Variants in PLAC8 observed in about 807,000 individuals in gnomAD.
The protein encoded by PLAC8 is placenta-specific gene 8 protein.
PLAC8 carries 6 observed loss-of-function variants against 12.6 expected under a neutral mutation model. The observed-to-expected ratio is 0.48, with a 90% confidence interval of 0.26 to 0.94. The LOEUF is 0.94. PLAC8 is among the 40% of genes least tolerant of loss of function. The pLI is 0.14. For missense variants in PLAC8, 122 were observed against 152.7 expected, an observed-to-expected ratio of 0.80 and a Z score of 1.06; for synonymous variants, 54 against 52.6, an observed-to-expected ratio of 1.03 and a Z score of -0.11.
At chr4:83,107,211 A>AC (rs1732265972) in intron 2 of PLAC8, among the ~76,000 whole-genome samples, 1 of 95,046 alleles carries the variant, frequency 1.1e-5, no homozygotes, top group Non-Finnish European at 2.1e-5. Context: ...AAAAACAAAC[A>AC]AAAAAAAAAA....
At chr4:83,108,742 A>T (rs1463651229) in intron 1 of PLAC8, among the ~76,000 whole-genome samples, 14 of 152,258 alleles carry the variant, frequency 9.2e-5, no homozygotes. Context: ...GAAACAAACG[A>T]GCAACCTGTG....
At chr4:83,100,280 CA>C (rs35928607) in intron 3 of PLAC8, among the ~76,000 whole-genome samples, 1,922 of 121,330 alleles carry the variant, frequency 0.016, 29 homozygotes, top group African/African-American at 0.046. Context: ...GACTCCATCT[CA>C]AAAAAAAAAA....
chr4:83,094,610 T>C (rs1731881671), intron 4 of PLAC8, 68 bp downstream of exon 4: 1 of 809,496 alleles, frequency 1.2e-6, no homozygotes, highest in Admixed American at 2.4e-5. Flanking sequence ...CAACAAATAA[T>C]TGACAAAGTC....
At chr4:83,103,013 G>C (rs1317077201) in intron 3 of PLAC8, among the ~76,000 whole-genome samples, 3 of 151,336 alleles carry the variant, frequency 2.0e-5, no homozygotes, top group African/African-American at 7.3e-5. Flanking sequence ...GTGAATCTGG[G>C]AGGCGGAGCT....
intron 1 of PLAC8, among the ~76,000 whole-genome samples, chr4:83,112,926 AGGT>A: frequency 6.6e-6 from 1 of 152,248 alleles, no homozygotes; most frequent in African/African-American, 2.4e-5. Flanking sequence ...CTAGGACCTT[AGGT>A]ACCAGCTTGT....
intron 1 of PLAC8, among the ~76,000 whole-genome samples, chr4:83,110,797 T>C (rs1167531475): frequency 3.9e-5 from 6 of 152,246 alleles, no homozygotes; most frequent in Non-Finnish European, 4.4e-5. Context: ...GGGTGATGGC[T>C]TCCCACATTT....
intron 3 of PLAC8, among the ~76,000 whole-genome samples, chr4:83,096,386 A>G (rs970726476): frequency 1.8e-5 from 2 of 108,390 alleles, no homozygotes; most frequent in Admixed American, 1.1e-4. Flanking sequence ...ACTTAAAAAT[A>G]TTTATCATTT....
At chr4:83,107,223 C>CAAAAAAAAAAAAAAAAAA (rs70946973) in intron 2 of PLAC8, among the ~76,000 whole-genome samples, 1 of 139,780 alleles carries the variant, frequency 7.2e-6, no homozygotes, top group Non-Finnish European at 1.5e-5. Context: ...AAAAAAAAAA[C>CAAAAAAAAAAAAAAAAAA]AAAAAAAAAA....
At position 83,101,904 on chromosome 4, in the gene PLAC8, A is replaced by G. The variant is rs369316972; in HGVS notation, c.243+2992T>C. Among the ~76,000 whole-genome samples, 636 of 152,354 alleles carry G rather than the reference A, an allele frequency of 4.2e-3. 4 individuals are homozygous for G. The highest frequency in any genetic ancestry group is 0.014 in the African/African-American group (581 of 41,588). ...CCTGATGACAGCACGTGTTGACAGCATTGTTTACCAAATATTAAGCCCACA... is the reference window on the plus strand; with the variant it reads ...CCTGATGACAGCACGTGTTGACAGCGTTGTTTACCAAATATTAAGCCCACA... On this transcript the variant is annotated intron_variant, in intron 3 of 4. Coordinates refer to ENST00000311507, the MANE Select transcript of PLAC8 (RefSeq NM_016619.3).
At chr4:83,099,845 A>C (rs1209950727) in intron 3 of PLAC8, among the ~76,000 whole-genome samples, 1 of 151,248 alleles carries the variant, frequency 6.6e-6, no homozygotes, top group African/African-American at 2.4e-5. Context: ...AAAATACAAA[A>C]AAAAAAAAAA....
At chr4:83,099,560 C>A (rs1441933505) in intron 3 of PLAC8, among the ~76,000 whole-genome samples, 1 of 152,114 alleles carries the variant, frequency 6.6e-6, no homozygotes, top group Non-Finnish European at 1.5e-5. Context: ...TGGATGTTGT[C>A]CCCACCCAAA....
chr4:83,091,991 C>A (rs938675423), intron 4 of PLAC8, among the ~76,000 whole-genome samples: 9 of 151,970 alleles, frequency 5.9e-5, no homozygotes, highest in Non-Finnish European at 1.0e-4. Flanking sequence ...TTCCTATGTC[C>A]TTCATCTCAA....
chr4:83,112,210 ATATATATG>A (rs1382959876), intron 1 of PLAC8, among the ~76,000 whole-genome samples: 372 of 5,618 alleles, frequency 0.066, 6 homozygotes, highest in South Asian at 0.26. Flanking sequence ...ATATGTATAT[ATATATATG>A]TATATATATA....
chr4:83,105,615 C>G (rs1732218017), intron 2 of PLAC8, among the ~76,000 whole-genome samples: 1 of 152,124 alleles, frequency 6.6e-6, no homozygotes, highest in Admixed American at 6.5e-5. Context: ...GGTTGGGGAC[C>G]AGATGATGAA....
rs1362522182 is a variant in PLAC8 at position 83,111,431 on chromosome 4, C to T, written c.-30+3235G>A. Among the ~76,000 whole-genome samples the T allele has an allele frequency of 2.6e-5, 4 of 151,516 alleles. No individual in the cohort carries two copies. The East Asian group carries it at 7.7e-4, about 29-fold the overall frequency. ...CCTGTAATCCTAGCACTTTGGGAGG[C>T]CAAGGCAGGTGGATCCTCGGTGACA... On this transcript the variant is annotated intron_variant, in intron 1 of 4. Transcript: ENST00000311507.
chr4:83,109,306 T>C lies in PLAC8; in HGVS notation c.-29-1356A>G, dbSNP rs572068221. 5.9e-5 allele frequency among the ~76,000 whole-genome samples: 9 copies of C among 152,336 alleles called. No individual in the cohort carries two copies. The South Asian group carries it at 1.7e-3, about 28-fold the overall frequency. The stretch of plus-strand genomic sequence containing the variant: ...TAAATGTATTAGACGTGTCCTTCTA[T>C]AGACATTAAAGTGGTTTTGGCTTCT... On this transcript the variant is annotated intron_variant, in intron 1 of 4. Transcript: ENST00000311507.
chr4:83,107,120 A>G (rs1338040459), intron 2 of PLAC8, among the ~76,000 whole-genome samples: 2 of 151,826 alleles, frequency 1.3e-5, no homozygotes, highest in Non-Finnish European at 2.9e-5. Context: ...GAATCTCTTG[A>G]ACCTGGGAGG....
At chr4:83,093,824 T>C (rs1216476985) in intron 4 of PLAC8, 1 of 152,192 alleles carries the variant, frequency 6.6e-6, no homozygotes, top group Non-Finnish European at 1.5e-5. Flanking sequence ...TACCTAGTCT[T>C]AGATATTGAT....
At chr4:83,092,584 A>C (rs1034851648) in intron 4 of PLAC8, among the ~76,000 whole-genome samples, 1 of 151,810 alleles carries the variant, frequency 6.6e-6, no homozygotes, top group Admixed American at 6.6e-5. Flanking sequence ...ATTTACTTCA[A>C]GCCTGCAATA....
Sources: allele counts gnomAD v4.1 joint callset (sites outside exome capture counted in the v4.1 genomes callset), GRCh38; gene constraint gnomAD v4.1.1; transcripts MANE v1.5; gene names NCBI Gene and HGNC (gene_info 2026-07-23, HGNC 2026-07-21).